FAM187A: variants seen among roughly 807,000 people sequenced by gnomAD.
FAM187A encodes the protein family with sequence similarity 187 member A, also known as Ig-like V-type domain-containing protein FAM187A.
In FAM187A, 4 loss-of-function variants were observed where a neutral mutation model predicts 6.4. The ratio of observed to expected loss-of-function variants is 0.63; its 90% CI spans 0.31 to 1.44. FAM187A has a LOEUF of 1.44. Ranked by LOEUF, FAM187A falls within the 40% of genes most tolerant of loss-of-function variation. FAM187A has a pLI of 0.07. For missense variants in FAM187A, 463 were observed against 542.2 expected (o/e 0.85, Z 1.45); for synonymous variants, 221 against 213.4 (o/e 1.04, Z -0.31).
At chr17:44,905,142 T>G in exon 4 of FAM187A, 6 of 1,240,266 alleles carry the variant, frequency 4.8e-6, no homozygotes, top group Non-Finnish European at 1.1e-6. Flanking sequence ...TGTCTCTGGG[T>G]GGGTACCCTG....
chr17:44,904,827 G>T, exon 4 of FAM187A: 2 of 1,550,674 alleles, frequency 1.3e-6, no homozygotes, highest in Non-Finnish European at 1.7e-6. Context: ...CTCCACATCC[G>T]CTTCACCCAG....
chr17:44,905,181 A>G, exon 4 of FAM187A: 1 of 829,806 alleles, frequency 1.2e-6, no homozygotes. Flanking sequence ...GAACATGTGG[A>G]CAAATCTGTT....
exon 4 of FAM187A, chr17:44,904,337 A>C (rs1290589640): frequency 1.3e-6 from 2 of 1,542,104 alleles, no homozygotes; most frequent in Non-Finnish European, 1.8e-6. Flanking sequence ...CCATGTCTTC[A>C]CCACCTTCTG....
At position 44,904,035 on chromosome 17, in the gene FAM187A, AG is replaced by A; in HGVS notation, c.207del (p.Lys69AsnfsTer3). On this transcript the variant is annotated frameshift_variant, in exon 4 of 4. Transcript: ENST00000331733. LOFTEE classifies it high-confidence loss of function. ...CCAGCTGTAGTCTGGTTCTACCAAA[AG>A]CACCTAGGTAGCAGCCACACCAAAG... 1 of 1,550,618 alleles carries A rather than the reference AG, an allele frequency of 6.4e-7. No homozygotes were observed. The highest frequency in any genetic ancestry group is 8.7e-7 in the Non-Finnish European group (1 of 1,147,004).
exon 4 of FAM187A, chr17:44,903,648 C>T (rs948269761): frequency 2.5e-5 from 36 of 1,432,960 alleles, no homozygotes; most frequent in Non-Finnish European, 3.1e-5. Flanking sequence ...GCATCTTGTA[C>T]ATCCACTGGG....
At chr17:44,903,959 C>A in exon 4 of FAM187A, 2 of 1,550,610 alleles carry the variant, frequency 1.3e-6, no homozygotes, top group South Asian at 2.4e-5. Flanking sequence ...TGCAGCCTAC[C>A]TGGCCGACAT....
chr17:44,904,768 G>A, exon 4 of FAM187A: 2 of 1,550,678 alleles, frequency 1.3e-6, no homozygotes, highest in Non-Finnish European at 1.7e-6. Flanking sequence ...CACAGTACCT[G>A]AAGGGTGTCA....
chr17:44,903,916 G>T, exon 4 of FAM187A: 1 of 1,550,586 alleles, frequency 6.4e-7, no homozygotes, highest in Non-Finnish European at 8.7e-7. Flanking sequence ...TTTTTCAGAG[G>T]ACCCCCTGCC....
At chr17:44,904,197 A>G (rs1567767093) in exon 4 of FAM187A, 2 of 1,550,580 alleles carry the variant, frequency 1.3e-6, no homozygotes, top group East Asian at 2.4e-5. Context: ...TCAGGCCTGT[A>G]CTTCTGCGGC....
Position 44,904,978 on chromosome 17 carries a change from A to AGGCT in FAM187A, c.1150_1153dup (p.Tyr385TrpfsTer49), listed in dbSNP as rs1489715882. The AGGCT allele has an allele frequency of 6.4e-7, 1 of 1,550,764 alleles. No individual in the cohort carries two copies. Among genetic ancestry groups the AGGCT allele is most frequent in the Middle Eastern group, 1.7e-4 (1 of 5,994 alleles). ...GCTCGGCTGTGGAGCTCACCCTGATAGGCTACCTGCTCATCACAGCAGTCT... is the reference window on the plus strand; with the variant it reads ...GCTCGGCTGTGGAGCTCACCCTGATAGGCTGGCTACCTGCTCATCACAGCAGTCT... On this transcript the variant is annotated frameshift_variant, in exon 4 of 4. Transcript: ENST00000331733. LOFTEE classifies it low-confidence loss of function (END_TRUNC).
rs2094373444 is a variant in FAM187A at position 44,905,027 on chromosome 17, T to TG, written c.1199dup (p.Cys400TrpfsTer33). 6.5e-7 allele frequency: 1 copy of TG among 1,549,690 alleles called. No individual in the cohort carries two copies. On this transcript the variant is annotated frameshift_variant, in exon 4 of 4. Coordinates refer to ENST00000331733, the Ensembl canonical transcript of FAM187A. LOFTEE classifies it high-confidence loss of function. ...CTTTGTCACCATTCACTTCTGTCGTTGCTGCTGCTACTTATTTCACTGTTG... is the reference window on the plus strand; with the variant it reads ...CTTTGTCACCATTCACTTCTGTCGTTGGCTGCTGCTACTTATTTCACTGTTG...
exon 4 of FAM187A, chr17:44,904,186 C>A: frequency 1.3e-6 from 2 of 1,550,542 alleles, no homozygotes. Context: ...AGTCTGAGGA[C>A]TCAGGCCTGT....
exon 4 of FAM187A, chr17:44,904,314 A>C: frequency 6.5e-7 from 1 of 1,545,466 alleles, no homozygotes; most frequent in South Asian, 1.2e-5. Context: ...GCAGATGAAT[A>C]CTATGGGCAC....
Position 44,905,340 on chromosome 17 carries a change from G to A in FAM187A, c.*269G>A, listed in dbSNP as rs2051638831. The stretch of plus-strand genomic sequence containing the variant: ...TTCACATTTAGGTCAGAGAAGGAAA[G>A]TGTGAACTCAGATTTATCCAGTGGT... On this transcript the variant is annotated 3_prime_UTR_variant, in exon 4 of 4. Coordinates refer to ENST00000331733, the Ensembl canonical transcript of FAM187A. 8.5e-6 allele frequency: 4 copies of A among 473,034 alleles called. No individual in the cohort carries two copies. In the Admixed American group the frequency reaches 1.2e-4, roughly 14 times the overall value. The allele number at this position is 473,034 out of a possible 1,614,324, so 29.3% of individuals were successfully genotyped here.
exon 4 of FAM187A, chr17:44,904,897 G>C: frequency 6.4e-7 from 1 of 1,550,576 alleles, no homozygotes; most frequent in Non-Finnish European, 8.7e-7. Flanking sequence ...CTGGCTTCCG[G>C]CTGGGTGTGA....
chr17:44,905,267 A>G (rs1256937813), exon 4 of FAM187A: 1 of 591,664 alleles, frequency 1.7e-6, no homozygotes, highest in African/African-American at 1.9e-5. Context: ...CTGGTGGGAG[A>G]TTGGGGACTG....
chr17:44,905,135 C>G, exon 4 of FAM187A: 1 of 1,309,930 alleles, frequency 7.6e-7, no homozygotes, highest in Non-Finnish European at 1.0e-6. Context: ...TACCAGATGT[C>G]TCTGGGTGGG....
At chr17:44,904,189 A>G (rs1451401019) in exon 4 of FAM187A, 13 of 1,550,552 alleles carry the variant, frequency 8.4e-6, no homozygotes, top group Non-Finnish European at 9.6e-6. Context: ...CTGAGGACTC[A>G]GGCCTGTACT....
At chr17:44,904,427 C>A (rs2051617695) in exon 4 of FAM187A, 1 of 1,541,758 alleles carries the variant, frequency 6.5e-7, no homozygotes, top group Middle Eastern at 1.7e-4. Flanking sequence ...GAGCCCAGAC[C>A]TCTCCCCACG....
Sources: gnomAD v4.1 joint callset for allele counts on GRCh38, gnomAD v4.1.1 for gene constraint, MANE v1.5 for transcripts, NCBI Gene and HGNC (gene_info 2026-07-23, HGNC 2026-07-21) for gene names.